SPOCK3: variants seen among roughly 807,000 people sequenced by gnomAD.
The protein encoded by SPOCK3 is testican-3.
In SPOCK3, 30 loss-of-function variants were observed where a neutral mutation model predicts 56.6. That is an observed-to-expected ratio of 0.53 (90% CI 0.40 to 0.72). The LOEUF (loss-of-function observed/expected upper bound fraction) is 0.72. SPOCK3 is among the 30% of genes least tolerant of loss of function. The pLI, the probability that SPOCK3 is intolerant of heterozygous loss-of-function variation, is 0.00. For synonymous variants in SPOCK3, 196 were observed against 183.3 expected, an observed-to-expected ratio of 1.07 and a Z score of -0.56; for missense variants, 527 against 530.0, an observed-to-expected ratio of 0.99 and a Z score of 0.06.
rs115594849 is a variant in SPOCK3 at position 167,012,529 on chromosome 4, T to A, written c.236-12066A>T. On this transcript the variant is annotated intron_variant, in intron 3 of 10. Coordinates refer to ENST00000357545, the MANE Select transcript of SPOCK3 (RefSeq NM_001040159.2). Reference sequence around the variant, plus strand: ...AGTTATATTTAGGTGATGAGATAGCTCTTTAGCACTTGGGGAAAAAAATTA... The same window carrying A: ...AGTTATATTTAGGTGATGAGATAGCACTTTAGCACTTGGGGAAAAAAATTA... 7.4e-3 allele frequency among the ~76,000 whole-genome samples: 1,132 copies of A among 152,042 alleles called. 13 individuals are homozygous for A. The highest frequency in any genetic ancestry group is 0.026 in the African/African-American group (1,064 of 41,548).
intron 7 of SPOCK3, among the ~76,000 whole-genome samples, 161 bp downstream of exon 7, chr4:166,792,009 G>A (rs1579238997): frequency 6.6e-6 from 1 of 152,170 alleles, no homozygotes; most frequent in East Asian, 1.9e-4. Context: ...TTATTTCCTT[G>A]CAAAATAATA....
At chr4:167,184,388 C>G (rs1731772443) in intron 2 of SPOCK3, among the ~76,000 whole-genome samples, 1 of 152,022 alleles carries the variant, frequency 6.6e-6, no homozygotes, top group Admixed American at 6.6e-5. Flanking sequence ...TCATTCTTTC[C>G]CATGATAATT....
At chr4:166,884,392 G>A (rs988967513) in intron 6 of SPOCK3, among the ~76,000 whole-genome samples, 9 of 151,340 alleles carry the variant, frequency 5.9e-5, no homozygotes, top group Non-Finnish European at 1.2e-4. Flanking sequence ...AAAAATGACC[G>A]ATAATAACTT....
intron 4 of SPOCK3, among the ~76,000 whole-genome samples, chr4:166,940,724 T>G (rs1284933122): frequency 6.7e-6 from 1 of 149,508 alleles, no homozygotes; most frequent in African/African-American, 2.5e-5. Context: ...AGATCAGCAC[T>G]TGGGAGACTT....
Position 166,884,477 on chromosome 4 carries a change from A to G in SPOCK3, c.589+4653T>C, listed in dbSNP as rs1211350191. On this transcript the variant is annotated intron_variant, in intron 6 of 10. Coordinates refer to ENST00000357545, the MANE Select transcript of SPOCK3 (RefSeq NM_001040159.2). ...AATATTTTGCAAAATATGCAAATAC[A>G]TACTATTAAGTATAGAAAAAATTAA... 2.0e-5 allele frequency among the ~76,000 whole-genome samples: 3 copies of G among 152,224 alleles called. No homozygotes were observed. The South Asian group carries it at 6.2e-4, about 31-fold the overall frequency.
intron 2 of SPOCK3, among the ~76,000 whole-genome samples, chr4:167,161,878 G>T (rs13105348): frequency 1.5e-5 from 2 of 137,308 alleles, no homozygotes; most frequent in African/African-American, 5.5e-5. Context: ...CATCACACAC[G>T]GGGGACTGTT....
At chr4:167,155,024 A>G (rs1003690321) in intron 2 of SPOCK3, among the ~76,000 whole-genome samples, 1 of 152,130 alleles carries the variant, frequency 6.6e-6, no homozygotes, top group Non-Finnish European at 1.5e-5. Context: ...TCATTCATCC[A>G]AGTAAGTTTT....
intron 6 of SPOCK3, among the ~76,000 whole-genome samples, chr4:166,853,291 A>G (rs182003701): frequency 3.3e-5 from 5 of 152,366 alleles, no homozygotes; most frequent in Admixed American, 2.6e-4. Context: ...AGATAGGTGA[A>G]TAGTTATTTT....
rs1734321683 is a variant in SPOCK3, at chr4:166,737,407, GCT to G, written c.1132+58_1132+59del. On this transcript the variant is annotated intron_variant, in intron 10 of 10. Coordinates refer to ENST00000357545, the MANE Select transcript of SPOCK3 (RefSeq NM_001040159.2). ...TTAAATGCTTGAACAAATGAATGAG[GCT>G]CTAAAGCACTTAATTCTGTGCTTAG... is the stretch of plus-strand genomic sequence containing the variant. 9.2e-6 allele frequency: 14 copies of G among 1,524,262 alleles called. 1 individual carries two copies. The highest frequency in any genetic ancestry group is 1.7e-4 in the Middle Eastern group (1 of 5,784). The allele number at this position is 1,524,262 out of a possible 1,614,324, so 94.4% of individuals were successfully genotyped here.
At chr4:166,800,578 T>C (rs1234817353) in intron 6 of SPOCK3, among the ~76,000 whole-genome samples, 1 of 151,828 alleles carries the variant, frequency 6.6e-6, no homozygotes, top group Admixed American at 6.6e-5. Flanking sequence ...GTCAGGTTTA[T>C]CAAAAAAATG....
rs997193822 is a variant in SPOCK3, at chr4:166,734,748, T to C, written c.*173A>G. 1.8e-5 allele frequency: 10 copies of C among 559,888 alleles called. No homozygotes were observed. The highest frequency in any genetic ancestry group is 3.0e-5 in the Non-Finnish European group (10 of 333,942). 34.7% of individuals were successfully genotyped at this position (559,888 alleles called of 1,614,324 possible). On this transcript the variant is annotated 3_prime_UTR_variant, in exon 11 of 11. Coordinates refer to ENST00000357545, the MANE Select transcript of SPOCK3 (RefSeq NM_001040159.2). The stretch of plus-strand genomic sequence containing the variant: ...GAATATAAAAACTCAAAGCAAATGA[T>C]TCTTATTTAAACATAAAGTTCTATA...
chr4:166,896,569 T>C (rs1056632821), intron 5 of SPOCK3, among the ~76,000 whole-genome samples: 1 of 152,084 alleles, frequency 6.6e-6, no homozygotes, highest in African/African-American at 2.4e-5. Context: ...GGCCTCCCTA[T>C]CTCTCGGTAA....
intron 3 of SPOCK3, among the ~76,000 whole-genome samples, chr4:167,056,181 C>A (rs556459464): frequency 2.6e-5 from 4 of 152,296 alleles, no homozygotes; most frequent in South Asian, 4.1e-4. Context: ...GCTGCTGGTA[C>A]CCAGGCAAAC....
Position 167,028,042 on chromosome 4 carries a change from G to A in SPOCK3, c.236-27579C>T, listed in dbSNP as rs561446612. On this transcript the variant is annotated intron_variant, in intron 3 of 10. Transcript: ENST00000357545. Reference sequence around the variant, plus strand: ...TTTATGTTTTATTTACCATACTTCTGTTTTTCTCTTTGATATCTTCTGTTG... The same window carrying A: ...TTTATGTTTTATTTACCATACTTCTATTTTTCTCTTTGATATCTTCTGTTG... Among the ~76,000 whole-genome samples, 3 of 152,008 alleles carry A rather than the reference G, an allele frequency of 2.0e-5. No individual in the cohort carries two copies. In the South Asian group the frequency reaches 6.2e-4, roughly 32 times the overall value.
intron 7 of SPOCK3, among the ~76,000 whole-genome samples, chr4:166,781,785 C>T (rs1740205922): frequency 2.6e-5 from 4 of 151,974 alleles, no homozygotes; most frequent in African/African-American, 9.7e-5. Flanking sequence ...AAAATAGTTA[C>T]ATATTTCATC....
intron 6 of SPOCK3, among the ~76,000 whole-genome samples, chr4:166,799,915 C>T (rs1742359217): frequency 6.6e-6 from 1 of 152,050 alleles, no homozygotes; most frequent in South Asian, 2.1e-4. Flanking sequence ...GGCACGGTGG[C>T]TCACGCCTGT....
rs533498851 is a variant in SPOCK3, at chr4:167,005,361, C to G, written c.236-4898G>C. On this transcript the variant is annotated intron_variant, in intron 3 of 10. Coordinates refer to ENST00000357545, the MANE Select transcript of SPOCK3 (RefSeq NM_001040159.2). ...AGTAGCTGGGACTACAGGCGCCCACCACCACGCCTGGCTAATTTTTTTTTG... is the reference window on the plus strand; with the variant it reads ...AGTAGCTGGGACTACAGGCGCCCACGACCACGCCTGGCTAATTTTTTTTTG... Among the ~76,000 whole-genome samples the G allele has an allele frequency of 2.6e-5, 4 of 152,060 alleles. No individual in the cohort carries two copies. In the East Asian group the frequency reaches 7.8e-4, roughly 30 times the overall value.
chr4:167,139,143 T>A (rs1763336277), intron 2 of SPOCK3, among the ~76,000 whole-genome samples: 1 of 151,960 alleles, frequency 6.6e-6, no homozygotes, highest in Non-Finnish European at 1.5e-5. Context: ...GTTTCATCTG[T>A]AAGCCCATAT....
At chr4:167,084,973 T>A (rs1758055876) in intron 2 of SPOCK3, among the ~76,000 whole-genome samples, 1 of 152,052 alleles carries the variant, frequency 6.6e-6, no homozygotes, top group African/African-American at 2.4e-5. Flanking sequence ...CTGTTTTTGA[T>A]CCCTTCCCTC....
Sources: allele counts gnomAD v4.1 joint callset (sites outside exome capture counted in the v4.1 genomes callset), GRCh38; gene constraint gnomAD v4.1.1; transcripts MANE v1.5; gene names NCBI Gene and HGNC (gene_info 2026-07-23, HGNC 2026-07-21).